Variants in DIP2A observed in about 807,000 individuals in gnomAD.
DIP2A encodes DIP2 acetate--CoA ligase A.
Under a neutral mutation model 177.4 loss-of-function variants are expected in DIP2A, and 85 were observed. That is an observed-to-expected ratio of 0.48 (90% confidence interval 0.40 to 0.57). The LOEUF (loss-of-function observed/expected upper bound fraction) is 0.57. DIP2A is among the 20% of genes least tolerant of loss of function. The pLI, the probability that DIP2A is intolerant of heterozygous loss-of-function variation, is 0.00. For missense variants in DIP2A, 1,791 were observed against 2,100.2 expected (o/e 0.85, Z 2.88); for synonymous variants, 886 against 881.8 (o/e 1.00, Z -0.08).
intron 36 of DIP2A, among the ~76,000 whole-genome samples, 192 bp downstream of exon 36, chr21:46,566,079 T>A (rs929326255): frequency 7.2e-5 from 11 of 152,240 alleles, no homozygotes; most frequent in African/African-American, 2.7e-4. Context: ...CTCACTGTCC[T>A]TGGGCCCTTG....
chr21:46,465,068 TGAAAA>T (rs965537682), intron 1 of DIP2A, among the ~76,000 whole-genome samples: 2 of 152,162 alleles, frequency 1.3e-5, no homozygotes, highest in African/African-American at 2.4e-5. Flanking sequence ...AATAAATTGC[TGAAAA>T]GAAACTTTGA....
the DIP2A span, among the ~76,000 whole-genome samples, chr21:46,577,790 G>T: frequency 6.6e-6 from 1 of 152,108 alleles, no homozygotes; most frequent in Non-Finnish European, 1.5e-5. Flanking sequence ...CCATTTGTTT[G>T]TGTCTTCTCT....
chr21:46,556,500 G>A lies in DIP2A; in HGVS notation c.3498+409G>A. The A allele has an allele frequency of 1.5e-6, 1 of 669,490 alleles. No individual in the cohort carries two copies. The highest frequency in any genetic ancestry group is 2.3e-6 in the Non-Finnish European group (1 of 437,342). The allele number at this position is 669,490 out of a possible 1,614,324, so 41.5% of individuals were successfully genotyped here. On this transcript the variant is annotated intron_variant, in intron 29 of 37. Transcript: ENST00000417564. The surrounding 1 kb of genome is among the most constrained non-coding windows in gnomAD (Gnocchi z 4.5). ...AGATGGAGACCATCCTGGCCAACGT[G>A]GTGAAACCCCGTCTCTACTAAAAAT...
intron 32 of DIP2A, 93 bp downstream of exon 32, chr21:46,558,486 C>T: frequency 7.7e-7 from 1 of 1,291,786 alleles, no homozygotes; most frequent in Non-Finnish European, 1.1e-6. Flanking sequence ...TTGTAGCCGC[C>T]TGATCTATTT....
rs759126968 is a variant in DIP2A at position 46,561,823 on chromosome 21, G to A, written c.4089+18G>A. The A allele has an allele frequency of 6.8e-6, 11 of 1,613,454 alleles. No homozygotes were observed. The highest frequency in any genetic ancestry group is 6.7e-5 in the East Asian group (3 of 44,874). On this transcript the variant is annotated intron_variant, in intron 34 of 37. Transcript: ENST00000417564. ...CTGGAAAGGTAGTGGAAACCAAGACGCGTGCATTCTGAGTCGCGTCTGAGA... is the reference window on the plus strand; with the variant it reads ...CTGGAAAGGTAGTGGAAACCAAGACACGTGCATTCTGAGTCGCGTCTGAGA...
At chr21:46,538,740 G>A in intron 16 of DIP2A, 138 bp downstream of exon 16, 1 of 1,273,120 alleles carries the variant, frequency 7.9e-7, no homozygotes, top group Non-Finnish European at 1.1e-6. Flanking sequence ...TCGTTTCTAT[G>A]ACACGGAACA....
At chr21:46,541,503 G>A (rs1228418732) in intron 17 of DIP2A, among the ~76,000 whole-genome samples, 2 of 152,218 alleles carry the variant, frequency 1.3e-5, no homozygotes, top group Admixed American at 1.3e-4. Context: ...TTACTGGCCT[G>A]CATTGGAAGT....
In DIP2A at chr21:46,556,865, G is replaced by C; in HGVS notation, c.3499-74G>C. On this transcript the variant is annotated intron_variant, in intron 29 of 37. Transcript: ENST00000417564. The surrounding 1 kb of genome is among the most constrained non-coding windows in gnomAD (Gnocchi z 4.5). ...CTATGGTCTAGCCATGTGAACAGCG[G>C]ACACTGCCATCCACCCTCTCCCCTC... The C allele has an allele frequency of 7.4e-7, 1 of 1,344,632 alleles. No homozygotes were observed. Among genetic ancestry groups the C allele is most frequent in the Non-Finnish European group, 1.0e-6 (1 of 994,140 alleles). 83.3% of individuals were successfully genotyped at this position (1,344,632 alleles called of 1,614,324 possible).
rs1304051717 is a variant in DIP2A at position 46,458,951 on chromosome 21, C to T, written c.-181C>T. Reference sequence around the variant, plus strand: ...GCAGCGGCGGCGCGGCGGAGCCATCCGCGCTCGTGCCCGCGCGGGTGCGTT... The same window carrying T: ...GCAGCGGCGGCGCGGCGGAGCCATCTGCGCTCGTGCCCGCGCGGGTGCGTT... On this transcript the variant is annotated 5_prime_UTR_variant, in exon 1 of 38. Transcript: ENST00000417564. 2 of 381,626 alleles carry T rather than the reference C, an allele frequency of 5.2e-6. No individual in the cohort carries two copies. Among genetic ancestry groups the T allele is most frequent in the East Asian group, 4.3e-5 (1 of 23,206 alleles). The allele number at this position is 381,626 out of a possible 1,614,324, so 23.6% of individuals were successfully genotyped here. A position where few individuals can be genotyped will look rare whatever the true frequency, so the allele number is the denominator to read the frequency against.
chr21:46,477,524 C>T (rs1203100270), intron 1 of DIP2A, among the ~76,000 whole-genome samples: 1 of 79,892 alleles, frequency 1.3e-5, no homozygotes, highest in Non-Finnish European at 2.5e-5. Context: ...GAGACTCCGC[C>T]TAAAATAAAA....
Position 46,554,603 on chromosome 21 carries a change from C to T in DIP2A, c.3183C>T (p.Gly1061=). ...PGVDLIAAFY[G]CLYCGCVPVT... ...TGGACCTCATTGCCGCGTTCTATGG[C>T]TGCTTGTACTGTGGCTGCGTGCCTG... Residue 1061 remains glycine (G), a synonymous_variant, in exon 27 of 38, where the codon GGC becomes GGT. Transcript: ENST00000417564. 6.2e-7 allele frequency: 1 copy of T among 1,611,226 alleles called. No homozygotes were observed.
rs534915173 is a variant in DIP2A at position 46,534,743 on chromosome 21, C to T, written c.1642+56C>T. 2.1e-5 allele frequency: 30 copies of T among 1,449,688 alleles called. No individual in the cohort carries two copies. In the African/African-American group the frequency reaches 2.2e-4, roughly 11 times the overall value. The allele number at this position is 1,449,688 out of a possible 1,614,324, so 89.8% of individuals were successfully genotyped here. On this transcript the variant is annotated intron_variant, in intron 13 of 37. Coordinates refer to ENST00000417564, the MANE Select transcript of DIP2A (RefSeq NM_015151.4). The stretch of plus-strand genomic sequence containing the variant: ...CCTCCAGCCTCACACAGATACCTGA[C>T]GTACCTAATCATGTGACTGTCACTG...
intron 4 of DIP2A, among the ~76,000 whole-genome samples, chr21:46,497,840 A>G (rs2057439045): frequency 6.6e-6 from 1 of 152,188 alleles, no homozygotes; most frequent in Non-Finnish European, 1.5e-5. Context: ...AAAGAAGTTT[A>G]TTGTTGAAAA....
chr21:46,511,708 T>G, intron 8 of DIP2A, 94 bp downstream of exon 8: 1 of 1,283,830 alleles, frequency 7.8e-7, no homozygotes. Flanking sequence ...TAAATATTCC[T>G]GAGAAACCAG....
Position 46,463,684 on chromosome 21 carries a change from G to T in DIP2A, c.91+4462G>T, listed in dbSNP as rs1251346980. Among the ~76,000 whole-genome samples the T allele has an allele frequency of 5.7e-5, 7 of 121,804 alleles. No individual in the cohort carries two copies. In the South Asian group the frequency reaches 1.8e-3, roughly 32 times the overall value. 79.9% of individuals were successfully genotyped at this position (121,804 alleles called of 152,430 possible). On this transcript the variant is annotated intron_variant, in intron 1 of 37. Transcript: ENST00000417564. ...TTTCTAAAATCTGGGATATATTTGT[G>T]TGTGTGTGTGTGTGTGTGTGTGTGT...
chr21:46,580,423 T>G, the DIP2A span, among the ~76,000 whole-genome samples: 12 of 152,334 alleles, frequency 7.9e-5, no homozygotes, highest in African/African-American at 2.4e-4. Context: ...GTCTTTTAAT[T>G]GGGACATTTA....
intron 8 of DIP2A, among the ~76,000 whole-genome samples, chr21:46,513,809 G>A (rs893764589): frequency 3.9e-5 from 6 of 152,020 alleles, no homozygotes; most frequent in Non-Finnish European, 7.4e-5. Flanking sequence ...CTTGTGATGC[G>A]ATGCTCAACT....
At chr21:46,572,954 A>G (rs1004109809), downstream of DIP2A, among the ~76,000 whole-genome samples, 1 of 152,174 alleles carries the variant, frequency 6.6e-6, no homozygotes, top group Non-Finnish European at 1.5e-5. Flanking sequence ...CCCAGGAGCA[A>G]TAGGCTATAT....
chr21:46,557,829 C>G lies in DIP2A; in HGVS notation c.3798+76C>G. ...GAAGTTTAAAAACAACAAAACAAAA[C>G]AAGACTCCCAAGGCCCCTCCCTGCA... is the stretch of plus-strand genomic sequence containing the variant. On this transcript the variant is annotated intron_variant, in intron 31 of 37. Coordinates refer to ENST00000417564, the MANE Select transcript of DIP2A (RefSeq NM_015151.4). The surrounding 1 kb of genome is among the most constrained non-coding windows in gnomAD (Gnocchi z 6.0). 6.7e-7 allele frequency: 1 copy of G among 1,498,626 alleles called. No homozygotes were observed. The highest frequency in any genetic ancestry group is 9.0e-7 in the Non-Finnish European group (1 of 1,109,052). 92.8% of individuals were successfully genotyped at this position (1,498,626 alleles called of 1,614,324 possible).
Sources: gnomAD v4.1 joint callset for allele counts (sites outside exome capture counted in the v4.1 genomes callset) on GRCh38, gnomAD v4.1.1 for gene constraint, Gnocchi (gnomAD v3.1) non-coding constraint, MANE v1.5 for transcripts, NCBI Gene and HGNC (gene_info 2026-07-23, HGNC 2026-07-21) for gene names.